Variants in AMBRA1 observed in about 807,000 individuals in gnomAD.
AMBRA1 encodes the protein activating molecule in BECN1-regulated autophagy protein 1.
In AMBRA1, 47 loss-of-function variants were observed where a neutral mutation model predicts 125.4. The ratio of observed to expected loss-of-function variants is 0.37; its 90% CI spans 0.30 to 0.48. The LOEUF (loss-of-function observed/expected upper bound fraction) is 0.48. Among genes scored for constraint, AMBRA1 ranks in the 20% least tolerant of loss-of-function variants. The probability of loss-of-function intolerance (pLI) is 0.99; values close to 1 mark genes in which losing one functional copy is unlikely to be tolerated. For synonymous variants in AMBRA1, 626 were observed against 655.5 expected, an observed-to-expected ratio of 0.95 and a Z score of 0.69; for missense variants, 1,331 against 1,693.4, an observed-to-expected ratio of 0.79 and a Z score of 3.76.
chr11:46,456,769 G>A (rs371220768), intron 11 of AMBRA1, among the ~76,000 whole-genome samples: 3 of 152,350 alleles, frequency 2.0e-5, no homozygotes, highest in African/African-American at 4.8e-5. Context: ...AATCTGCAAT[G>A]AAGGGAAATG....
At chr11:46,500,870 T>C (rs1277947282) in intron 9 of AMBRA1, among the ~76,000 whole-genome samples, 1 of 152,220 alleles carries the variant, frequency 6.6e-6, no homozygotes, top group East Asian at 1.9e-4. Context: ...TCTCCTAGTA[T>C]TTTAGTGGTA....
intron 7 of AMBRA1, among the ~76,000 whole-genome samples, chr11:46,535,836 G>A (rs943896818): frequency 2.6e-5 from 4 of 152,148 alleles, no homozygotes; most frequent in African/African-American, 9.7e-5. Flanking sequence ...CGAGGAAGGC[G>A]CAGACCCTGA....
intron 11 of AMBRA1, among the ~76,000 whole-genome samples, chr11:46,459,739 T>TACACACACACACAC (rs56374939): frequency 1.8e-5 from 2 of 110,240 alleles, no homozygotes; most frequent in African/African-American, 2.9e-5. Context: ...AAAATACACA[T>TACACACACACACAC]ACACACACAC....
intron 7 of AMBRA1, among the ~76,000 whole-genome samples, chr11:46,515,251 C>A (rs560010713): frequency 2.0e-5 from 3 of 152,162 alleles, no homozygotes; most frequent in African/African-American, 7.2e-5. Context: ...GATGGGTGAA[C>A]TGCCTGAGCT....
chr11:46,477,210 A>T (rs1269134313), intron 11 of AMBRA1, among the ~76,000 whole-genome samples: 3 of 152,146 alleles, frequency 2.0e-5, no homozygotes, highest in African/African-American at 7.2e-5. Flanking sequence ...TAAAGGCAGA[A>T]TAGAAGGACA....
chr11:46,408,476 C>T, intron 17 of AMBRA1, 37 bp downstream of exon 17: 1 of 1,476,542 alleles, frequency 6.8e-7, no homozygotes. Flanking sequence ...GTCTTAGGGT[C>T]CCTCTCCCAC....
At chr11:46,462,376 C>A (rs952476400) in intron 11 of AMBRA1, among the ~76,000 whole-genome samples, 3 of 152,182 alleles carry the variant, frequency 2.0e-5, no homozygotes, top group African/African-American at 7.2e-5. Flanking sequence ...TTGTCCCATA[C>A]AAAACCATCT....
At chr11:46,549,447 T>C (rs2042922921) in intron 1 of AMBRA1, among the ~76,000 whole-genome samples, 1 of 152,190 alleles carries the variant, frequency 6.6e-6, no homozygotes, top group Non-Finnish European at 1.5e-5. Flanking sequence ...TCTATCTCCA[T>C]GGATAGAGAT....
chr11:46,478,233 T>C (rs1414031850), intron 11 of AMBRA1, among the ~76,000 whole-genome samples: 1 of 152,196 alleles, frequency 6.6e-6, no homozygotes, highest in African/African-American at 2.4e-5. Context: ...GCCACAGTAA[T>C]TGGGCACACA....
At chr11:46,482,657 T>A (rs1950116492) in intron 11 of AMBRA1, among the ~76,000 whole-genome samples, 1 of 152,132 alleles carries the variant, frequency 6.6e-6, no homozygotes, top group African/African-American at 2.4e-5. Context: ...CTGGACCAGT[T>A]AACTTCCCTG....
In AMBRA1 at chr11:46,408,614, G is replaced by A; in HGVS notation, c.3302C>T (p.Ser1101Phe). ...AAGGGCCAGAGTCTGGGTGCCCTGA[G>A]ATGTCACTGAGGTGGCAGGGTTCCG... ...QPRNPATSVT[S>F]QGTQTLALQL... The change falls in exon 17 of 18, where the codon TCT becomes TTT. Residue 1101 changes from serine (S) to phenylalanine (F), a missense_variant. Physicochemically the swap from Ser to Phe is radical, Grantham distance 155 (BLOSUM62 -2). Transcript: ENST00000683756. The A allele has an allele frequency of 6.2e-7, 1 of 1,610,156 alleles. No homozygotes were observed. Among genetic ancestry groups the A allele is most frequent in the Non-Finnish European group, 8.5e-7 (1 of 1,177,442 alleles).
intron 9 of AMBRA1, among the ~76,000 whole-genome samples, chr11:46,497,265 T>G (rs1327435070): frequency 6.6e-6 from 1 of 152,120 alleles, no homozygotes; most frequent in Non-Finnish European, 1.5e-5. Flanking sequence ...GGCTTTATAG[T>G]GTTTAGAGAT....
chr11:46,523,458 C>T (rs1275094977), intron 7 of AMBRA1, among the ~76,000 whole-genome samples: 1 of 152,198 alleles, frequency 6.6e-6, no homozygotes, highest in East Asian at 1.9e-4. Context: ...AAGATTCGCA[C>T]ATTAACGTCC....
intron 9 of AMBRA1, among the ~76,000 whole-genome samples, chr11:46,507,651 T>C (rs1951101619): frequency 6.6e-6 from 1 of 152,106 alleles, no homozygotes; most frequent in African/African-American, 2.4e-5. Context: ...TTTTTAAGGT[T>C]CCTGAATGGG....
At position 46,542,780 on chromosome 11, in the gene AMBRA1, C is replaced by T; in HGVS notation, c.1237G>A (p.Gly413Arg). 1 of 1,613,998 alleles carries T rather than the reference C, an allele frequency of 6.2e-7. No individual in the cohort carries two copies. Among genetic ancestry groups the T allele is most frequent in the Non-Finnish European group, 8.5e-7 (1 of 1,179,986 alleles). ...CGGGTCCACTCAGATCCTGTCAACC[C>T]AGGAGCTATTTCTCGGTGATACCTA... ...PSRYHREIAPGLTGSEWTRTV... is the reference protein window; with the variant it reads ...PSRYHREIAPRLTGSEWTRTV... Residue 413 changes from glycine to arginine, a missense_variant, in exon 7 of 18, where the codon GGG (glycine) becomes AGG (arginine). Gly to Arg is a moderately radical substitution (Grantham distance 125, BLOSUM62 -2). Around this residue, in one of 4 missense-constraint regions of AMBRA1, gnomAD observed 689 missense variants for 776.5 expected, o/e 0.89. Transcript: ENST00000683756. The surrounding 1 kb of genome is among the most constrained non-coding windows in gnomAD (Gnocchi z 5.9).
At chr11:46,419,154 T>G (rs1946721116) in intron 14 of AMBRA1, among the ~76,000 whole-genome samples, 1 of 152,224 alleles carries the variant, frequency 6.6e-6, no homozygotes, top group Admixed American at 6.5e-5. Context: ...GTTTCTAGCT[T>G]ATATAAATCA....
At chr11:46,458,509 CCATTGGTA>C (rs1422026191) in intron 11 of AMBRA1, among the ~76,000 whole-genome samples, 3 of 152,342 alleles carry the variant, frequency 2.0e-5, no homozygotes, top group African/African-American at 7.2e-5. Flanking sequence ...CATCGATTTT[CCATTGGTA>C]CTGTGTGATT....
At chr11:46,455,029 G>A (rs938443044) in intron 11 of AMBRA1, among the ~76,000 whole-genome samples, 15 of 151,486 alleles carry the variant, frequency 9.9e-5, no homozygotes, top group Non-Finnish European at 1.5e-4. Flanking sequence ...ACAGGTGTAC[G>A]CCACCCCACA....
chr11:46,460,174 C>T (rs774272385), intron 11 of AMBRA1, among the ~76,000 whole-genome samples: 1 of 152,182 alleles, frequency 6.6e-6, no homozygotes, highest in Non-Finnish European at 1.5e-5. Flanking sequence ...CAATCGGGAA[C>T]AGACAACAAG....
Sources: allele counts gnomAD v4.1 joint callset (sites outside exome capture counted in the v4.1 genomes callset), GRCh38; gene constraint gnomAD v4.1.1; regional missense constraint gnomAD v4.1.1; non-coding constraint Gnocchi (gnomAD v3.1); transcripts MANE v1.5; gene names NCBI Gene and HGNC (gene_info 2026-07-23, HGNC 2026-07-21).